Variants in EXT1 observed in about 807,000 individuals in gnomAD.
EXT1 encodes exostosin-1.
In EXT1, 20 loss-of-function variants were observed where a neutral mutation model predicts 82.5. The observed-to-expected ratio is 0.24, with a 90% CI of 0.17 to 0.35. EXT1 has a LOEUF of 0.35. Ranked by LOEUF, EXT1 falls within the 10% of genes least tolerant of loss-of-function variation. EXT1 has a pLI of 1.00. For missense variants in EXT1, 757 were observed against 936.5 expected (o/e 0.81, Z 2.50); for synonymous variants, 348 against 350.8 (o/e 0.99, Z 0.09).
intron 1 of EXT1, among the ~76,000 whole-genome samples, chr8:118,064,788 CCCA>C (rs1361551740): frequency 1.3e-5 from 2 of 152,046 alleles, no homozygotes; most frequent in Non-Finnish European, 1.5e-5. Flanking sequence ...AATTTACACT[CCCA>C]CCAACAGTGT....
chr8:117,939,065 A>T (rs1014017807), intron 1 of EXT1, among the ~76,000 whole-genome samples: 3 of 151,706 alleles, frequency 2.0e-5, no homozygotes, highest in African/African-American at 7.3e-5. Flanking sequence ...CCCCCAATGG[A>T]AGCCTCCCTT....
chr8:117,812,992 G>A (rs759666569), intron 7 of EXT1, 31 bp from the exon 8 acceptor site: 1 of 1,571,162 alleles, frequency 6.4e-7, no homozygotes, highest in Non-Finnish European at 8.7e-7. Flanking sequence ...GCAGTGGGGA[G>A]GGAATGAGGG....
chr8:118,009,555 C>A (rs1485960897), intron 1 of EXT1, among the ~76,000 whole-genome samples: 1 of 152,198 alleles, frequency 6.6e-6, no homozygotes, highest in Non-Finnish European at 1.5e-5. Context: ...GGCCCCAACC[C>A]TTGGGCAGCA....
At chr8:118,032,571 C>T (rs181107566) in intron 1 of EXT1, among the ~76,000 whole-genome samples, 39 of 148,002 alleles carry the variant, frequency 2.6e-4, no homozygotes, top group Admixed American at 1.8e-3. Context: ...AGTGCAATGG[C>T]AGGATCTCGG....
At chr8:117,799,953 A>G in intron 10 of EXT1, 56 bp from the exon 11 acceptor site, 10 of 1,569,230 alleles carry the variant, frequency 6.4e-6, no homozygotes, top group Non-Finnish European at 8.7e-6. Context: ...GGTGAGATGG[A>G]AACATTGCAG....
intron 1 of EXT1, among the ~76,000 whole-genome samples, chr8:118,049,241 T>C (rs1816679345): frequency 6.6e-6 from 1 of 152,216 alleles, no homozygotes; most frequent in South Asian, 2.1e-4. Context: ...TTGTGCAAAA[T>C]TCACATTAAA....
At chr8:117,907,673 G>C (rs1244669666) in intron 1 of EXT1, among the ~76,000 whole-genome samples, 1 of 152,074 alleles carries the variant, frequency 6.6e-6, no homozygotes, top group Non-Finnish European at 1.5e-5. Flanking sequence ...TATTATATAT[G>C]AATTCATAAA....
intron 1 of EXT1, among the ~76,000 whole-genome samples, chr8:117,967,746 T>C (rs1053836051): frequency 7.2e-5 from 11 of 152,350 alleles, no homozygotes; most frequent in Non-Finnish European, 1.3e-4. Context: ...TGCTTACTCA[T>C]GGATTCTGCT....
chr8:118,062,512 C>T (rs1237189553), intron 1 of EXT1, among the ~76,000 whole-genome samples: 1 of 152,122 alleles, frequency 6.6e-6, no homozygotes, highest in Non-Finnish European at 1.5e-5. Flanking sequence ...AAATACATGA[C>T]TGAAAAGAGT....
At chr8:117,952,843 G>A (rs1285110674) in intron 1 of EXT1, among the ~76,000 whole-genome samples, 1 of 152,134 alleles carries the variant, frequency 6.6e-6, no homozygotes, top group African/African-American at 2.4e-5. Context: ...CTTAAATGAG[G>A]TAAGCCATGG....
At chr8:117,956,893 C>T (rs1814597332) in intron 1 of EXT1, among the ~76,000 whole-genome samples, 2 of 152,244 alleles carry the variant, frequency 1.3e-5, no homozygotes, top group East Asian at 1.9e-4. Context: ...GCACAAGATA[C>T]CCGCCTCCGT....
chr8:118,110,785 C>A lies in EXT1; in HGVS notation c.262G>T (p.Ala88Ser). 1 of 1,613,716 alleles carries A rather than the reference C, an allele frequency of 6.2e-7. No homozygotes were observed. The highest frequency in any genetic ancestry group is 2.2e-5 in the East Asian group (1 of 44,878). The change falls in exon 1 of 11, where the codon GCC (alanine) becomes TCC (serine). Residue 88 changes from alanine (A) to serine (S), a missense_variant. By Grantham distance (99) the Ala-to-Ser change is moderately conservative. Transcript: ENST00000378204. ...TTGCCTTTGTAGATGCTGGAGTTGG[C>A]ATCTCGCTTCTGCCGGGGGGAAATG... ...VHISPRQKRD[A>S]NSSIYKGKKC...
chr8:117,815,009 A>G (rs1311399820), intron 7 of EXT1, among the ~76,000 whole-genome samples: 2 of 152,178 alleles, frequency 1.3e-5, no homozygotes, highest in Non-Finnish European at 2.9e-5. Flanking sequence ...GCTCCTACAC[A>G]TCTGTCAACT....
intron 1 of EXT1, among the ~76,000 whole-genome samples, chr8:118,073,973 A>G (rs1817155097): frequency 6.6e-6 from 1 of 152,056 alleles, no homozygotes; most frequent in South Asian, 2.1e-4. Context: ...CTTCCTTCTC[A>G]GTTAACACAA....
At chr8:117,831,476 G>A (rs989179947) in intron 3 of EXT1, 2 of 419,016 alleles carry the variant, frequency 4.8e-6, no homozygotes, top group African/African-American at 2.1e-5. Context: ...TACTTCCTGA[G>A]TCTGGTAAGT....
At chr8:117,999,435 G>A (rs531462181) in intron 1 of EXT1, among the ~76,000 whole-genome samples, 3 of 152,304 alleles carry the variant, frequency 2.0e-5, no homozygotes, top group South Asian at 2.1e-4. Flanking sequence ...AGATGCACTC[G>A]ATGTGATGAA....
chr8:117,858,929 C>T (rs897948001), intron 1 of EXT1, among the ~76,000 whole-genome samples: 23 of 151,758 alleles, frequency 1.5e-4, no homozygotes, highest in Non-Finnish European at 3.1e-4. Flanking sequence ...CAGCTACCCT[C>T]ACTTTCAGCA....
chr8:117,873,305 AT>A (rs765405572), intron 1 of EXT1, among the ~76,000 whole-genome samples: 27 of 152,312 alleles, frequency 1.8e-4, no homozygotes, highest in Non-Finnish European at 3.4e-4. Context: ...GGATTGGTCA[AT>A]TCATAATAGT....
intron 1 of EXT1, among the ~76,000 whole-genome samples, chr8:117,905,326 C>T (rs1011099723): frequency 5.3e-5 from 8 of 152,264 alleles, no homozygotes; most frequent in Middle Eastern, 3.4e-3. Context: ...AGTATTATTC[C>T]CTTCCCCATT....
Sources: gnomAD v4.1 joint callset for allele counts (sites outside exome capture counted in the v4.1 genomes callset) on GRCh38, gnomAD v4.1.1 for gene constraint, MANE v1.5 for transcripts, NCBI Gene and HGNC (gene_info 2026-07-23, HGNC 2026-07-21) for gene names.